The following PDE8B variants were observed in gnomAD, a reference collection of about 807,000 sequenced individuals.
PDE8B encodes high affinity cAMP-specific and IBMX-insensitive 3',5'-cyclic phosphodiesterase 8B.
A neutral mutation model predicts 101.3 loss-of-function variants in PDE8B; 26 were observed. The observed-to-expected ratio is 0.26, with a 90% CI of 0.19 to 0.36. The LOEUF (loss-of-function observed/expected upper bound fraction) is 0.36. PDE8B is among the 10% of genes least tolerant of loss of function. The pLI is 1.00. For missense variants in PDE8B, 810 were observed against 1,163.1 expected (o/e 0.70, Z 4.42); for synonymous variants, 424 against 429.3 (o/e 0.99, Z 0.15).
intron 6 of PDE8B, among the ~76,000 whole-genome samples, chr5:77,340,600 AGTGTGTGTGTGT>A (rs34764404): frequency 6.4e-5 from 9 of 140,170 alleles, no homozygotes; most frequent in African/African-American, 1.1e-4. Flanking sequence ...GCAGCCTCAC[AGTGTGTGTGTGT>A]GTGTGTGTGT....
At chr5:77,338,132 G>T (rs903816320) in intron 6 of PDE8B, among the ~76,000 whole-genome samples, 1 of 152,192 alleles carries the variant, frequency 6.6e-6, no homozygotes, top group South Asian at 2.1e-4. Context: ...CTGTAGCATG[G>T]CCTCTCTCTC....
the PDE8B span, among the ~76,000 whole-genome samples, chr5:77,154,956 A>T: frequency 6.6e-6 from 1 of 152,252 alleles, no homozygotes; most frequent in South Asian, 2.1e-4. Flanking sequence ...TTGAGTCTGG[A>T]TGTTGCAGAC....
At chr5:77,199,864 C>G in the PDE8B span, among the ~76,000 whole-genome samples, 2 of 152,076 alleles carry the variant, frequency 1.3e-5, no homozygotes, top group African/African-American at 2.4e-5. Flanking sequence ...TATTTTTCTG[C>G]CAGTATTTTG....
the PDE8B span, chr5:77,144,722 C>T: frequency 6.6e-6 from 1 of 151,894 alleles, no homozygotes; most frequent in African/African-American, 2.4e-5. Flanking sequence ...TAGAGGGAGT[C>T]AGGGCAGCAG....
chr5:77,247,974 G>T (rs1757310162), intron 1 of PDE8B, among the ~76,000 whole-genome samples: 1 of 152,200 alleles, frequency 6.6e-6, no homozygotes, highest in Admixed American at 6.5e-5. Flanking sequence ...AAACAGAAAA[G>T]CCCACAGCAC....
At chr5:77,130,161 G>T in the PDE8B span, among the ~76,000 whole-genome samples, 4 of 151,974 alleles carry the variant, frequency 2.6e-5, no homozygotes, top group Non-Finnish European at 5.9e-5. Flanking sequence ...TGAGGGAGGG[G>T]AACTAACAGA....
At position 77,309,941 on chromosome 5, in the gene PDE8B, A is replaced by ACCTTTTTTTTTTT. The variant is rs772985826; in HGVS notation, c.340-2053_340-2052insCCTTTTTTTTTTT. Among the ~76,000 whole-genome samples, 13 of 83,114 alleles carry ACCTTTTTTTTTTT rather than the reference A, an allele frequency of 1.6e-4. 1 individual carries two copies. The highest frequency in any genetic ancestry group is 2.6e-4 in the African/African-American group (5 of 19,514). The allele number at this position is 83,114 out of a possible 152,430, so 54.5% of individuals were successfully genotyped here. On this transcript the variant is annotated intron_variant, in intron 1 of 21. Coordinates refer to ENST00000264917, the MANE Select transcript of PDE8B (RefSeq NM_003719.5). ...AACTGGTTTCCCTTTTTAATCATTA[A>ACCTTTTTTTTTTT]TCTTTTTTTTTTTTTTTTTTTTTTT...
At chr5:77,242,961 C>T (rs72766910) in intron 1 of PDE8B, among the ~76,000 whole-genome samples, 29,516 of 152,028 alleles carry the variant, frequency 0.19, 3,017 homozygotes, top group East Asian at 0.34. Context: ...CCACTGCGCC[C>T]GGCCAAATTT....
chr5:77,235,348 T>C (rs1754441673), intron 1 of PDE8B, among the ~76,000 whole-genome samples: 1 of 152,262 alleles, frequency 6.6e-6, no homozygotes, highest in Admixed American at 6.5e-5. Flanking sequence ...GCCTTTGCTG[T>C]AAAACGTCCA....
chr5:77,160,118 G>A, the PDE8B span, among the ~76,000 whole-genome samples: 1 of 152,110 alleles, frequency 6.6e-6, no homozygotes, highest in African/African-American at 2.4e-5. Context: ...AGCAAAAGGA[G>A]TTTGCATATA....
At chr5:77,405,340 G>A (rs1353905272) in intron 12 of PDE8B, among the ~76,000 whole-genome samples, 1 of 152,196 alleles carries the variant, frequency 6.6e-6, no homozygotes, top group African/African-American at 2.4e-5. Flanking sequence ...AGTCAAAGAC[G>A]ATTCTGACAT....
chr5:77,301,396 T>C (rs1166369925), intron 1 of PDE8B, among the ~76,000 whole-genome samples: 3 of 152,286 alleles, frequency 2.0e-5, no homozygotes, highest in Non-Finnish European at 4.4e-5. Flanking sequence ...GTAGCAAAAT[T>C]TACTGATTTG....
chr5:77,212,460 A>G (rs80332597), intron 1 of PDE8B, among the ~76,000 whole-genome samples: 1 of 149,438 alleles, frequency 6.7e-6, no homozygotes, highest in East Asian at 2.1e-4. Flanking sequence ...TTTTTTTTTT[A>G]ACAGCATCTG....
At chr5:77,260,157 C>CAAAAAAAAAAAAAAAAAAAAAAAAAA (rs66923234) in intron 1 of PDE8B, among the ~76,000 whole-genome samples, 4 of 100,976 alleles carry the variant, frequency 4.0e-5, no homozygotes, top group Non-Finnish European at 8.1e-5. Flanking sequence ...AACTCCATCA[C>CAAAAAAAAAAAAAAAAAAAAAAAAAA]AAAAAAAAAA....
At chr5:77,370,981 T>C (rs1784995547) in intron 10 of PDE8B, among the ~76,000 whole-genome samples, 1 of 152,224 alleles carries the variant, frequency 6.6e-6, no homozygotes, top group South Asian at 2.1e-4. Flanking sequence ...GCTATTTTAA[T>C]TGGGTTGTTT....
chr5:77,350,581 G>A (rs756526174), intron 8 of PDE8B, among the ~76,000 whole-genome samples: 1 of 152,004 alleles, frequency 6.6e-6, no homozygotes, highest in African/African-American at 2.4e-5. Flanking sequence ...TGGCTGGGGG[G>A]CCCGTAGGAT....
chr5:77,211,330 AG>A lies in PDE8B; in HGVS notation c.339+71del. ...CCCCGTCGGCGGGGCTCGCACGGGT[AG>A]GGGGCTCCGGCGGAGTTGGGTGACC... On this transcript the variant is annotated intron_variant, in intron 1 of 21. Coordinates refer to ENST00000264917, the MANE Select transcript of PDE8B (RefSeq NM_003719.5). The surrounding 1 kb of genome is among the most constrained non-coding windows in gnomAD (Gnocchi z 4.1). The A allele has an allele frequency of 6.9e-7, 1 of 1,449,662 alleles. No individual in the cohort carries two copies. Among genetic ancestry groups the A allele is most frequent in the Non-Finnish European group, 9.2e-7 (1 of 1,087,116 alleles). 89.8% of individuals were successfully genotyped at this position (1,449,662 alleles called of 1,614,324 possible). A position where few individuals can be genotyped will look rare whatever the true frequency, so the allele number is the denominator to read the frequency against.
chr5:77,273,255 T>C (rs1240261157), intron 1 of PDE8B, among the ~76,000 whole-genome samples: 2 of 152,244 alleles, frequency 1.3e-5, no homozygotes, highest in Admixed American at 1.3e-4. Context: ...TATCGTTTTT[T>C]ATAGTTATTG....
chr5:77,107,065 C>T, the PDE8B span, among the ~76,000 whole-genome samples: 1 of 152,032 alleles, frequency 6.6e-6, no homozygotes, highest in Admixed American at 6.6e-5. Flanking sequence ...CCCTACCCTA[C>T]GACAGGCCCC....
Sources: gnomAD v4.1 joint callset for allele counts (sites outside exome capture counted in the v4.1 genomes callset) on GRCh38, gnomAD v4.1.1 for gene constraint, Gnocchi (gnomAD v3.1) non-coding constraint, MANE v1.5 for transcripts, NCBI Gene and HGNC (gene_info 2026-07-23, HGNC 2026-07-21) for gene names.